Variants in FHL2 observed in about 807,000 individuals in gnomAD.
FHL2 encodes the protein four and a half LIM domains 2.
FHL2 carries 20 observed loss-of-function variants against 32.7 expected under a neutral mutation model. That is an observed-to-expected ratio of 0.61 (90% CI 0.43 to 0.89). The LOEUF (loss-of-function observed/expected upper bound fraction) is 0.89, where lower values mean the gene tolerates loss of function less well. FHL2 is among the 40% of genes least tolerant of loss of function. FHL2 has a pLI of 0.00. For missense variants in FHL2, 311 were observed against 358.6 expected (o/e 0.87, Z 1.07); for synonymous variants, 123 against 128.1 (o/e 0.96, Z 0.27).
At chr2:105,390,544 G>C (rs1471747143) in intron 2 of FHL2, among the ~76,000 whole-genome samples, 1 of 152,154 alleles carries the variant, frequency 6.6e-6, no homozygotes, top group Non-Finnish European at 1.5e-5. Context: ...GTTCTACAAA[G>C]AGCAGAGAGC....
At chr2:105,369,902 C>CA (rs1348506833) in intron 4 of FHL2, among the ~76,000 whole-genome samples, 3 of 152,204 alleles carry the variant, frequency 2.0e-5, no homozygotes, top group Non-Finnish European at 4.4e-5. Context: ...GCCTCAGGGA[C>CA]ATGGCGCGTG....
upstream of FHL2, chr2:105,399,773 G>C: frequency 4.3e-6 from 3 of 697,532 alleles, no homozygotes; most frequent in Non-Finnish European, 6.7e-6. Flanking sequence ...GGAGAGCACA[G>C]GTTGAGCCCA....
intron 2 of FHL2, among the ~76,000 whole-genome samples, chr2:105,393,690 A>C (rs564580738): frequency 1.3e-5 from 2 of 152,340 alleles, no homozygotes; most frequent in East Asian, 3.8e-4. Context: ...CAGAGTACAA[A>C]CATACAGGCA....
chr2:105,377,310 G>A (rs997456653), intron 3 of FHL2, among the ~76,000 whole-genome samples: 5 of 152,130 alleles, frequency 3.3e-5, no homozygotes, highest in African/African-American at 1.2e-4. Flanking sequence ...GATGTTCTGT[G>A]TATTTTACCA....
intron 2 of FHL2, among the ~76,000 whole-genome samples, chr2:105,395,983 C>G (rs558123447): frequency 6.6e-6 from 1 of 152,242 alleles, no homozygotes; most frequent in Non-Finnish European, 1.5e-5. Flanking sequence ...CGTGACATCC[C>G]CATGCAGAGA....
At chr2:105,436,253 G>A (rs1684606902) in intron 1 of FHL2, among the ~76,000 whole-genome samples, 2 of 152,118 alleles carry the variant, frequency 1.3e-5, no homozygotes, top group South Asian at 4.1e-4. Flanking sequence ...GCAGATCAAG[G>A]CGCAAGGTGG....
intron 3 of FHL2, among the ~76,000 whole-genome samples, chr2:105,384,801 C>G (rs1313893786): frequency 6.6e-6 from 1 of 152,206 alleles, no homozygotes; most frequent in African/African-American, 2.4e-5. Flanking sequence ...GAGCCTATGC[C>G]CCTGGCCTGG....
intron 4 of FHL2, among the ~76,000 whole-genome samples, chr2:105,371,690 A>G (rs1252918494): frequency 3.3e-5 from 5 of 152,354 alleles, no homozygotes; most frequent in African/African-American, 1.2e-4. Context: ...GGAAATATGC[A>G]TACTTTTTAT....
In FHL2 at chr2:105,380,387, T is replaced by G. The variant is rs185717411; in HGVS notation, c.156+5974A>C. On this transcript the variant is annotated intron_variant, in intron 3 of 6. Coordinates refer to ENST00000530340, the MANE Select transcript of FHL2 (RefSeq NM_001318895.3). ...TTTTCTTCTATCTATCTGTTCTGTCTGTCTATCTATCATCTATCTGTTTAG... is the reference window on the plus strand; with the variant it reads ...TTTTCTTCTATCTATCTGTTCTGTCGGTCTATCTATCATCTATCTGTTTAG... Among the ~76,000 whole-genome samples the G allele has an allele frequency of 5.4e-4, 82 of 152,332 alleles. 1 individual carries two copies. The East Asian group carries it at 0.015, about 28-fold the overall frequency.
intron 1 of FHL2, among the ~76,000 whole-genome samples, chr2:105,413,312 A>G (rs1683848239): frequency 6.6e-6 from 1 of 152,186 alleles, no homozygotes; most frequent in South Asian, 2.1e-4. Flanking sequence ...ATCAAGAAGC[A>G]TAAAGCCTGA....
At chr2:105,432,011 A>T (rs1684451289) in intron 1 of FHL2, among the ~76,000 whole-genome samples, 1 of 152,244 alleles carries the variant, frequency 6.6e-6, no homozygotes, top group Non-Finnish European at 1.5e-5. Context: ...AACTTTCATT[A>T]TTCAAACAAT....
chr2:105,370,211 C>A (rs1558686453), intron 4 of FHL2, among the ~76,000 whole-genome samples: 1 of 151,700 alleles, frequency 6.6e-6, no homozygotes, highest in Non-Finnish European at 1.5e-5. Flanking sequence ...TGTCTCTACC[C>A]CCCCAAAAAA....
chr2:105,384,364 G>A (rs891660168), intron 3 of FHL2, among the ~76,000 whole-genome samples: 8 of 152,198 alleles, frequency 5.3e-5, no homozygotes, highest in Non-Finnish European at 1.2e-4. Flanking sequence ...GACGTGTCAC[G>A]AAAAGAATAA....
chr2:105,399,043 C>T lies in FHL2; in HGVS notation c.-277G>A, dbSNP rs1198099772. ...CGGCTGGTGGCTGCGGCTCCGCTGC[C>T]GGCCGAGTGGAGCGCTGCGCAGCTC... On this transcript the variant is annotated 5_prime_UTR_variant, in exon 1 of 7. Coordinates refer to ENST00000530340, the MANE Select transcript of FHL2 (RefSeq NM_001318895.3). 3.3e-6 allele frequency: 5 copies of T among 1,495,878 alleles called. No individual in the cohort carries two copies. The highest frequency in any genetic ancestry group is 2.9e-5 in the East Asian group (1 of 34,542). The allele number at this position is 1,495,878 out of a possible 1,614,324, so 92.7% of individuals were successfully genotyped here. A position where few individuals can be genotyped will look rare whatever the true frequency, so the allele number is the denominator to read the frequency against.
chr2:105,405,432 A>T (rs1174447717), intron 1 of FHL2, among the ~76,000 whole-genome samples: 2 of 152,136 alleles, frequency 1.3e-5, no homozygotes, highest in African/African-American at 4.8e-5. Context: ...TTTATTTGAG[A>T]CAGAGTCTTA....
At chr2:105,368,151 C>T (rs1193990109) in intron 4 of FHL2, among the ~76,000 whole-genome samples, 1 of 152,128 alleles carries the variant, frequency 6.6e-6, no homozygotes, top group African/African-American at 2.4e-5. Context: ...TGATAATGAA[C>T]ACCCCGTCTG....
Position 105,386,076 on chromosome 2 carries a change from G to A in FHL2, c.156+285C>T, listed in dbSNP as rs1178699220. The A allele has an allele frequency of 1.1e-5, 5 of 441,136 alleles. No individual in the cohort carries two copies. In the Admixed American group the frequency reaches 1.9e-4, roughly 17 times the overall value. 27.3% of individuals were successfully genotyped at this position (441,136 alleles called of 1,614,324 possible). A position where few individuals can be genotyped will look rare whatever the true frequency, so the allele number is the denominator to read the frequency against. On this transcript the variant is annotated intron_variant, in intron 3 of 6. Coordinates refer to ENST00000530340, the MANE Select transcript of FHL2 (RefSeq NM_001318895.3). ...CTTAAGAAAGTTCCAGTATTGGTAG[G>A]CAGCTGGGTAGTTAGATAAGGGCAC...
intron 4 of FHL2, among the ~76,000 whole-genome samples, chr2:105,368,817 G>C (rs1256070477): frequency 2.0e-5 from 3 of 152,172 alleles, no homozygotes; most frequent in Non-Finnish European, 2.9e-5. Context: ...AACAATCTGG[G>C]GAAATAAGTA....
Position 105,426,365 on chromosome 2 carries a change from C to T in FHL2, c.-25+12034G>A, listed in dbSNP as rs1261460543. 2.0e-5 allele frequency among the ~76,000 whole-genome samples: 3 copies of T among 152,220 alleles called. No individual in the cohort carries two copies. The East Asian group carries it at 5.8e-4, about 29-fold the overall frequency. On this transcript the variant is annotated intron_variant, in intron 1 of 5. Coordinates refer to the FHL2 transcript ENST00000393352. ...GTAATTGCATCTATGTTACCTTAAC[C>T]AGGCTCCATAATTCAAGTCAAAAGT...
Sources: gnomAD v4.1 joint callset for allele counts (sites outside exome capture counted in the v4.1 genomes callset) on GRCh38, gnomAD v4.1.1 for gene constraint, MANE v1.5 for transcripts, NCBI Gene and HGNC (gene_info 2026-07-23, HGNC 2026-07-21) for gene names.